The following ASXL1 variants were observed in gnomAD, a reference collection of about 807,000 sequenced individuals.
ASXL1 encodes polycomb group protein ASXL1.
A neutral mutation model predicts 89.1 loss-of-function variants in ASXL1; 65 were observed. The ratio of observed to expected loss-of-function variants is 0.73; its 90% CI spans 0.60 to 0.90. The LOEUF (loss-of-function observed/expected upper bound fraction) is 0.90. Among genes scored for constraint, ASXL1 ranks in the 40% least tolerant of loss-of-function variants. The pLI, the probability that ASXL1 is intolerant of heterozygous loss-of-function variation, is 0.00. For missense variants in ASXL1, 1,786 were observed against 1,942.9 expected (o/e 0.92, Z 1.52); for synonymous variants, 739 against 746.9 (o/e 0.99, Z 0.17).
Position 32,431,502 on chromosome 20 carries a change from C to T in ASXL1, c.882+18C>T, listed in dbSNP as rs2011511743. On this transcript the variant is annotated intron_variant, in intron 9 of 12. Transcript: ENST00000375687. ...ACAGACAGGTGCACATGGGCAGCCTCCCCTTTGCCTCTCTCTGGGTGGGCT... is the reference window on the plus strand; with the variant it reads ...ACAGACAGGTGCACATGGGCAGCCTTCCCTTTGCCTCTCTCTGGGTGGGCT... 1 of 1,614,014 alleles carries T rather than the reference C, an allele frequency of 6.2e-7. No homozygotes were observed. Among genetic ancestry groups the T allele is most frequent in the Admixed American group, 1.7e-5 (1 of 59,996 alleles).
chr20:32,392,746 T>G (rs1411479566), intron 4 of ASXL1, among the ~76,000 whole-genome samples: 1 of 152,112 alleles, frequency 6.6e-6, no homozygotes, highest in Non-Finnish European at 1.5e-5. Flanking sequence ...ACTGATTATT[T>G]AGAAGTGTGA....
intron 4 of ASXL1, among the ~76,000 whole-genome samples, chr20:32,378,160 G>T (rs887545427): frequency 3.3e-5 from 2 of 60,296 alleles, no homozygotes; most frequent in Non-Finnish European, 8.5e-5. Flanking sequence ...TGAGTAATTT[G>T]TGTGTGTGTG....
intron 4 of ASXL1, among the ~76,000 whole-genome samples, chr20:32,425,437 C>A (rs1259281339): frequency 6.6e-6 from 1 of 152,202 alleles, no homozygotes; most frequent in East Asian, 1.9e-4. Flanking sequence ...ATTGTATTCT[C>A]AAATGCTTGG....
intron 4 of ASXL1, among the ~76,000 whole-genome samples, chr20:32,426,541 C>CTTTTTTTTTGTTTTTT (rs1014372390): frequency 1.1e-5 from 1 of 92,564 alleles, no homozygotes; most frequent in Non-Finnish European, 2.3e-5. Flanking sequence ...AAACTGTTTT[C>CTTTTTTTTTGTTTTTT]TTTTTTTTCT....
intron 4 of ASXL1, among the ~76,000 whole-genome samples, chr20:32,400,250 T>C (rs969289212): frequency 6.6e-6 from 1 of 152,216 alleles, no homozygotes; most frequent in Non-Finnish European, 1.5e-5. Context: ...TACTTTTTTT[T>C]CCTTGCCTCT....
chr20:32,413,479 A>T (rs1271567452), intron 4 of ASXL1, among the ~76,000 whole-genome samples: 1 of 152,266 alleles, frequency 6.6e-6, no homozygotes, highest in African/African-American at 2.4e-5. Flanking sequence ...CAAACAAAAG[A>T]TGAAACCCAG....
intron 4 of ASXL1, among the ~76,000 whole-genome samples, chr20:32,385,188 A>G (rs2048558448): frequency 6.6e-6 from 1 of 152,206 alleles, no homozygotes; most frequent in South Asian, 2.1e-4. Context: ...GGTCCTTTTG[A>G]AGCATAAATA....
intron 4 of ASXL1, among the ~76,000 whole-genome samples, chr20:32,403,516 G>A (rs945733491): frequency 1.4e-4 from 21 of 152,288 alleles, no homozygotes; most frequent in African/African-American, 5.1e-4. Context: ...CTGGGCTCAA[G>A]GGATCCTCCT....
intron 4 of ASXL1, among the ~76,000 whole-genome samples, chr20:32,386,160 A>G (rs1477366112): frequency 6.6e-6 from 1 of 152,116 alleles, no homozygotes; most frequent in Non-Finnish European, 1.5e-5. Flanking sequence ...TCTTGTTTAT[A>G]TCCCTAGGAG....
In ASXL1 at chr20:32,435,114, A is replaced by T. The variant is rs769490912; in HGVS notation, c.2402A>T (p.Glu801Val). ...ACCACTTCCTGGGAAAGTGATGATG[A>T]GGAGCAAGGACCCACCGTTCCTGCA... ...SGTTSWESDD[E>V]EQGPTVPADN... The change falls in exon 13 of 13, where the codon GAG becomes GTG. Residue 801 changes from glutamate to valine, a missense_variant. Glu to Val is a moderately radical substitution (Grantham distance 121). Coordinates refer to ENST00000375687, the MANE Select transcript of ASXL1 (RefSeq NM_015338.6). 1.9e-6 allele frequency: 3 copies of T among 1,613,964 alleles called. No individual in the cohort carries two copies. Among genetic ancestry groups the T allele is most frequent in the Non-Finnish European group, 2.5e-6 (3 of 1,180,030 alleles).
chr20:32,434,919 C>T lies in ASXL1; in HGVS notation c.2207C>T (p.Thr736Ile), dbSNP rs1392100102. 3 of 1,614,192 alleles carry T rather than the reference C, an allele frequency of 1.9e-6. No homozygotes were observed. The highest frequency in any genetic ancestry group is 2.5e-6 in the Non-Finnish European group (3 of 1,180,024). Residue 736 changes from threonine to isoleucine, a missense_variant, in exon 13 of 13, where the codon ACA (threonine) becomes ATA (isoleucine). This residue lies in a region of ASXL1 where 1,418 missense variants were observed against 1,427.8 expected (regional missense o/e 0.99). Coordinates refer to ENST00000375687, the MANE Select transcript of ASXL1 (RefSeq NM_015338.6). ...GAAAGCTGCCTACTACAGAGGGCTACAGTTGGACTCACAGATGGGCTAGGA... is the reference window on the plus strand; with the variant it reads ...GAAAGCTGCCTACTACAGAGGGCTATAGTTGGACTCACAGATGGGCTAGGA... The part of the protein sequence containing the change: ...KEESCLLQRA[T>I]VGLTDGLGDA...
intron 4 of ASXL1, among the ~76,000 whole-genome samples, chr20:32,425,764 T>TG (rs765002502): frequency 5.3e-5 from 8 of 152,120 alleles, no homozygotes; most frequent in Non-Finnish European, 8.8e-5. Flanking sequence ...TGGAGTACAG[T>TG]GGCACAATCT....
rs188286329 is a variant in ASXL1, at chr20:32,374,043, C to T, written c.252+4920C>T. 8.0e-4 allele frequency among the ~76,000 whole-genome samples: 121 copies of T among 152,194 alleles called. 1 individual carries two copies. The highest frequency in any genetic ancestry group is 2.8e-3 in the African/African-American group (115 of 41,524). ...TTATTTATTTTTTGAGACAGAGTCTCGCTTTGTCATCCAGGCTGGAGTTCA... is the reference window on the plus strand; with the variant it reads ...TTATTTATTTTTTGAGACAGAGTCTTGCTTTGTCATCCAGGCTGGAGTTCA... On this transcript the variant is annotated intron_variant, in intron 4 of 12. Transcript: ENST00000375687.
At chr20:32,369,222 T>C in intron 4 of ASXL1, 99 bp downstream of exon 4, 2 of 1,122,606 alleles carry the variant, frequency 1.8e-6, no homozygotes, top group Admixed American at 1.8e-5. Flanking sequence ...TGAATTTGCA[T>C]TTCTCATATG....
In ASXL1 at chr20:32,433,543, TACAAGGATGGGG is replaced by T; in HGVS notation, c.1347_1358del (p.Tyr449_Glu453delinsTer). 1 of 1,614,172 alleles carries T rather than the reference TACAAGGATGGGG, an allele frequency of 6.2e-7. No homozygotes were observed. On this transcript the variant is annotated stop_gained and inframe_deletion, in exon 12 of 13. Transcript: ENST00000375687. LOFTEE classifies it high-confidence loss of function. ...ATCTGTGGCCTCAGATGTTCCCCTC[TACAAGGATGGGG>T]AGGCTAAGACTGACCCAGCAGGGCT...
intron 1 of ASXL1, chr20:32,359,420 G>C: frequency 1.4e-6 from 1 of 702,256 alleles, no homozygotes; most frequent in Non-Finnish European, 2.6e-6. Flanking sequence ...GCGACACCTG[G>C]GAGGCGGTTA....
In ASXL1 at chr20:32,433,534, G is replaced by A. The variant is rs376229687; in HGVS notation, c.1336G>A (p.Val446Ile). ...AKDAKSVASDVPLYKDGEAKT... is the reference protein window; with the variant it reads ...AKDAKSVASDIPLYKDGEAKT... The stretch of plus-strand genomic sequence containing the variant: ...GGATGCAAAATCTGTGGCCTCAGAT[G>A]TTCCCCTCTACAAGGATGGGGAGGC... Residue 446 changes from valine (V) to isoleucine (I), a missense_variant, in exon 12 of 13, where the codon GTT becomes ATT. Val to Ile is a conservative substitution (Grantham distance 29). Coordinates refer to ENST00000375687, the MANE Select transcript of ASXL1 (RefSeq NM_015338.6). The A allele has an allele frequency of 3.7e-5, 60 of 1,614,072 alleles. No homozygotes were observed. Among genetic ancestry groups the A allele is most frequent in the Non-Finnish European group, 5.1e-5 (60 of 1,180,040 alleles).
intron 4 of ASXL1, among the ~76,000 whole-genome samples, chr20:32,398,532 T>C (rs573338740): frequency 1.0e-3 from 156 of 152,228 alleles, no homozygotes; most frequent in African/African-American, 3.6e-3. Flanking sequence ...GATTTACCTG[T>C]TCTGGATATT....
Position 32,429,689 on chromosome 20 carries a change from C to CTAT in ASXL1, c.566-211_566-209dup. 1.4e-6 allele frequency: 1 copy of CTAT among 715,360 alleles called. No homozygotes were observed. Among genetic ancestry groups the CTAT allele is most frequent in the South Asian group, 1.9e-5 (1 of 53,954 alleles). The allele number at this position is 715,360 out of a possible 1,614,324, so 44.3% of individuals were successfully genotyped here. A position where few individuals can be genotyped will look rare whatever the true frequency, so the allele number is the denominator to read the frequency against. On this transcript the variant is annotated intron_variant, in intron 7 of 12. Coordinates refer to ENST00000375687, the MANE Select transcript of ASXL1 (RefSeq NM_015338.6). The surrounding 1 kb of genome is among the most constrained non-coding windows in gnomAD (Gnocchi z 4.9). ...CCAGTGCTTTGTAAAAGGTGTAGTGCTATACAAATAAAGATGGCAGTTTGG... is the reference window on the plus strand; with the variant it reads ...CCAGTGCTTTGTAAAAGGTGTAGTGCTATTATACAAATAAAGATGGCAGTTTGG...
Sources: gnomAD v4.1 joint callset for allele counts (sites outside exome capture counted in the v4.1 genomes callset) on GRCh38, gnomAD v4.1.1 for gene constraint, gnomAD v4.1.1 regional missense constraint, Gnocchi (gnomAD v3.1) non-coding constraint, MANE v1.5 for transcripts, NCBI Gene and HGNC (gene_info 2026-07-23, HGNC 2026-07-21) for gene names.